UBE2L3: variants seen among roughly 807,000 people sequenced by gnomAD.
UBE2L3 encodes ubiquitin conjugating enzyme E2 L3.
UBE2L3 carries 1 observed loss-of-function variant against 17.8 expected under a neutral mutation model. The ratio of observed to expected loss-of-function variants is 0.06; its 90% CI spans 0.02 to 0.27. UBE2L3 has a LOEUF of 0.27. UBE2L3 is among the 10% of genes least tolerant of loss of function. The probability of loss-of-function intolerance (pLI) is 1.00; values close to 1 mark genes in which losing one functional copy is unlikely to be tolerated. For synonymous variants in UBE2L3, 44 were observed against 68.5 expected, an observed-to-expected ratio of 0.64 and a Z score of 1.76; for missense variants, 40 against 192.6, an observed-to-expected ratio of 0.21 and a Z score of 4.69.
intron 1 of UBE2L3, among the ~76,000 whole-genome samples, chr22:21,582,531 T>A (rs1927700279): frequency 6.6e-6 from 1 of 151,558 alleles, no homozygotes; most frequent in South Asian, 2.1e-4. Flanking sequence ...TTTTTGTAGT[T>A]TTTTGTTTTT....
intron 2 of UBE2L3, among the ~76,000 whole-genome samples, chr22:21,597,306 A>T (rs1928584257): frequency 1.3e-5 from 2 of 151,986 alleles, no homozygotes; most frequent in South Asian, 4.2e-4. Context: ...TAAATTTTTT[A>T]ATTTAATTTT....
chr22:21,588,570 C>T (rs1187387216), intron 1 of UBE2L3, among the ~76,000 whole-genome samples: 1 of 150,164 alleles, frequency 6.7e-6, no homozygotes, highest in East Asian at 2.0e-4. Flanking sequence ...TGCCAGGGCT[C>T]AGGTGATTCT....
intron 1 of UBE2L3, among the ~76,000 whole-genome samples, chr22:21,577,452 C>T (rs1927377455): frequency 6.6e-6 from 1 of 152,218 alleles, no homozygotes; most frequent in African/African-American, 2.4e-5. Flanking sequence ...AAAGTTGCTT[C>T]TGGTGGCTGT....
chr22:21,567,349 G>C (rs1314395106), upstream of UBE2L3, among the ~76,000 whole-genome samples: 1 of 152,170 alleles, frequency 6.6e-6, no homozygotes, highest in African/African-American at 2.4e-5. Context: ...ATTTTTAGTA[G>C]AGACCGAGTT....
At chr22:21,603,964 T>A (rs1327828917) in intron 2 of UBE2L3, among the ~76,000 whole-genome samples, 2 of 146,310 alleles carry the variant, frequency 1.4e-5, no homozygotes, top group Non-Finnish European at 1.5e-5. Flanking sequence ...GAGGCTGGAA[T>A]GCAGTGGTGT....
intron 1 of UBE2L3, among the ~76,000 whole-genome samples, chr22:21,569,891 T>C (rs1926863085): frequency 6.6e-6 from 1 of 152,198 alleles, no homozygotes; most frequent in South Asian, 2.1e-4. Context: ...TTCGGTTCTT[T>C]CTCCAAAGCA....
At position 21,568,215 on chromosome 22, in the gene UBE2L3, G is replaced by A. The variant is rs972515238; in HGVS notation, c.27+444G>A. The A allele has an allele frequency of 4.0e-6, 4 of 990,364 alleles. No individual in the cohort carries two copies. The South Asian group carries it at 1.9e-4, about 46-fold the overall frequency. 61.3% of individuals were successfully genotyped at this position (990,364 alleles called of 1,614,324 possible). A position where few individuals can be genotyped will look rare whatever the true frequency, so the allele number is the denominator to read the frequency against. The stretch of plus-strand genomic sequence containing the variant: ...TGGGCCGCAGCGCGCCGGGCTTGCA[G>A]CTCCGCTTGGCCCGGCCGCAGCTCG... On this transcript the variant is annotated intron_variant, in intron 1 of 3. Transcript: ENST00000342192.
chr22:21,568,565 A>G (rs1177027230), intron 1 of UBE2L3, among the ~76,000 whole-genome samples: 1 of 152,050 alleles, frequency 6.6e-6, no homozygotes, highest in East Asian at 1.9e-4. Context: ...GGTACTTTGG[A>G]TCTTGAATGC....
intron 1 of UBE2L3, among the ~76,000 whole-genome samples, chr22:21,560,337 G>C (rs1475678917): frequency 6.6e-6 from 1 of 152,254 alleles, no homozygotes; most frequent in African/African-American, 2.4e-5. Context: ...ACTGCTTCCT[G>C]AGATCCCCAT....
chr22:21,623,141 A>T lies in UBE2L3; in HGVS notation c.*1472A>T, dbSNP rs1253475570. The T allele has an allele frequency of 2.0e-5, 3 of 152,398 alleles. No homozygotes were observed. The highest frequency in any genetic ancestry group is 7.2e-5 in the African/African-American group (3 of 41,542). 9.4% of individuals were successfully genotyped at this position (152,398 alleles called of 1,614,324 possible). A position where few individuals can be genotyped will look rare whatever the true frequency, so the allele number is the denominator to read the frequency against. ...CTAGATCCTGTGGAGAAGATGACTT[A>T]AACTTTGCTTTTTGTTTTAATTTTA... On this transcript the variant is annotated 3_prime_UTR_variant, in exon 4 of 4. Transcript: ENST00000342192.
chr22:21,592,968 A>G lies in UBE2L3; in HGVS notation c.123+12A>G. ...GGCTTATTGTTCCTGTGAGTATTGAACACTTCCACTTCCTACCAGATTATT... is the reference window on the plus strand; with the variant it reads ...GGCTTATTGTTCCTGTGAGTATTGAGCACTTCCACTTCCTACCAGATTATT... On this transcript the variant is annotated intron_variant, in intron 2 of 3. Coordinates refer to ENST00000342192, the MANE Select transcript of UBE2L3 (RefSeq NM_003347.4). The G allele has an allele frequency of 6.2e-7, 1 of 1,603,344 alleles. No homozygotes were observed. Among genetic ancestry groups the G allele is most frequent in the Non-Finnish European group, 8.5e-7 (1 of 1,170,264 alleles).
At chr22:21,560,394 A>G (rs1272439977) in intron 1 of UBE2L3, among the ~76,000 whole-genome samples, 1 of 151,868 alleles carries the variant, frequency 6.6e-6, no homozygotes, top group Non-Finnish European at 1.5e-5. Flanking sequence ...TGCTGCCAGG[A>G]CAGACGTATC....
intron 1 of UBE2L3, among the ~76,000 whole-genome samples, chr22:21,587,707 T>TTGACC (rs1928024025): frequency 6.6e-6 from 1 of 152,228 alleles, no homozygotes; most frequent in African/African-American, 2.4e-5. Flanking sequence ...CTCTCAGGAC[T>TTGACC]TGAGTCCGTG....
chr22:21,597,775 ATTTTTTTTTTTTT>A lies in UBE2L3; in HGVS notation c.123+4839_123+4851del, dbSNP rs35054754. Among the ~76,000 whole-genome samples the A allele has an allele frequency of 3.5e-4, 9 of 25,600 alleles. No homozygotes were observed. The South Asian group carries it at 6.9e-3, about 20-fold the overall frequency. 16.8% of individuals were successfully genotyped at this position (25,600 alleles called of 152,430 possible). A position where few individuals can be genotyped will look rare whatever the true frequency, so the allele number is the denominator to read the frequency against. On this transcript the variant is annotated intron_variant, in intron 2 of 3. Coordinates refer to ENST00000342192, the MANE Select transcript of UBE2L3 (RefSeq NM_003347.4). Reference sequence around the variant, plus strand: ...GGATCTTTGATCCATTTATATGTAGATTTTTTTTTTTTTTTTTTTTTTTTTTTTTTTTGAGACA... The same window carrying A: ...GGATCTTTGATCCATTTATATGTAGATTTTTTTTTTTTTTTTTTTGAGACA...
intron 2 of UBE2L3, among the ~76,000 whole-genome samples, chr22:21,595,026 T>A (rs1385340989): frequency 1.3e-5 from 2 of 152,206 alleles, no homozygotes; most frequent in African/African-American, 4.8e-5. Context: ...CCCCAACTCA[T>A]GCAAAGGCCT....
chr22:21,601,016 A>G (rs1928826443), intron 2 of UBE2L3, among the ~76,000 whole-genome samples: 1 of 151,708 alleles, frequency 6.6e-6, no homozygotes. Flanking sequence ...CTAAAAATAC[A>G]AAAAATTAGC....
intron 3 of UBE2L3, chr22:21,614,507 T>C: frequency 2.5e-6 from 3 of 1,222,676 alleles, no homozygotes; most frequent in Non-Finnish European, 3.4e-6. Context: ...GCTCTTCCTT[T>C]GTCTCCAGAG....
intron 3 of UBE2L3, among the ~76,000 whole-genome samples, chr22:21,612,380 C>T (rs983099061): frequency 6.6e-6 from 1 of 152,248 alleles, no homozygotes; most frequent in African/African-American, 2.4e-5. Context: ...GGCTGGAGTG[C>T]AGTGGCGCGA....
At chr22:21,603,385 C>G (rs1465974842) in intron 2 of UBE2L3, among the ~76,000 whole-genome samples, 2 of 151,744 alleles carry the variant, frequency 1.3e-5, no homozygotes, top group Non-Finnish European at 2.9e-5. Context: ...AAAAAATTAG[C>G]TGAGAGTTGT....
Sources: gnomAD v4.1 joint callset for allele counts (sites outside exome capture counted in the v4.1 genomes callset) on GRCh38, gnomAD v4.1.1 for gene constraint, MANE v1.5 for transcripts, NCBI Gene and HGNC (gene_info 2026-07-23, HGNC 2026-07-21) for gene names.